Variants in FAM20C observed in about 807,000 individuals in gnomAD.
FAM20C encodes the protein FAM20C golgi associated secretory pathway kinase.
A neutral mutation model predicts 51.5 loss-of-function variants in FAM20C; 40 were observed. That is an observed-to-expected ratio of 0.78 (90% confidence interval 0.60 to 1.01). The LOEUF is 1.01. Among genes scored for constraint, FAM20C ranks in the 50% least tolerant of loss-of-function variants. The probability of loss-of-function intolerance (pLI) is 0.00; values close to 1 mark genes in which losing one functional copy is unlikely to be tolerated. For synonymous variants in FAM20C, 406 were observed against 380.6 expected (o/e 1.07, Z -0.78); for missense variants, 861 against 844.7 (o/e 1.02, Z -0.24).
intron 2 of FAM20C, among the ~76,000 whole-genome samples, chr7:202,198 G>C (rs913267057): frequency 6.6e-6 from 1 of 152,186 alleles, no homozygotes; most frequent in African/African-American, 2.4e-5. Context: ...AGAGAGGACG[G>C]GTGGCCACTG....
At position 260,341 on chromosome 7, in the gene FAM20C, A is replaced by C; in HGVS notation, c.*361A>C. 2 of 167,724 alleles carry C rather than the reference A, an allele frequency of 1.2e-5. No homozygotes were observed. The highest frequency in any genetic ancestry group is 1.3e-5 in the Non-Finnish European group (1 of 78,706). The allele number at this position is 167,724 out of a possible 1,614,324, so 10.4% of individuals were successfully genotyped here. On this transcript the variant is annotated 3_prime_UTR_variant, in exon 10 of 10. Coordinates refer to ENST00000313766, the MANE Select transcript of FAM20C (RefSeq NM_020223.4). ...AGATGCCAATCACCTACCAAACCAA[A>C]CACGAGGACCGCCCTCCCTGGTTCT...
intron 3 of FAM20C, chr7:228,911 T>TG: frequency 1.2e-5 from 5 of 421,850 alleles, no homozygotes; most frequent in South Asian, 8.5e-5. Context: ...AACTCAGCAC[T>TG]GGGAGCCCCT....
chr7:193,463 C>T lies in FAM20C; in HGVS notation c.264C>T (p.Leu88=), dbSNP rs1785682443. 1 of 1,480,416 alleles carries T rather than the reference C, an allele frequency of 6.8e-7. No individual in the cohort carries two copies. Among genetic ancestry groups the T allele is most frequent in the East Asian group, 3.0e-5 (1 of 33,374 alleles). The allele number at this position is 1,480,416 out of a possible 1,614,324, so 91.7% of individuals were successfully genotyped here. A position where few individuals can be genotyped will look rare whatever the true frequency, so the allele number is the denominator to read the frequency against. Residue 88 remains leucine (L), a synonymous_variant, in exon 1 of 10, where the codon CTC becomes CTT. Coordinates refer to ENST00000313766, the MANE Select transcript of FAM20C (RefSeq NM_020223.4). ...CGGGCTGGCCCAACAAGCACACGCT[C>T]CGCATCCTGCAGGACTTCAGCTCCG... The part of the protein sequence containing the change: ...GDAGWPNKHT[L]RILQDFSSDP...
At chr7:237,453 C>T (rs1187724455) in intron 3 of FAM20C, among the ~76,000 whole-genome samples, 8 of 152,154 alleles carry the variant, frequency 5.3e-5, no homozygotes, top group African/African-American at 1.4e-4. Context: ...ACGGTGATGA[C>T]GGTGCTGATG....
chr7:223,137 T>C (rs1787315549), intron 3 of FAM20C, among the ~76,000 whole-genome samples: 1 of 152,116 alleles, frequency 6.6e-6, no homozygotes, highest in Non-Finnish European at 1.5e-5. Flanking sequence ...TGTGTTCCTA[T>C]GAAGGGCAGA....
chr7:195,381 C>A, intron 1 of FAM20C, 173 bp from the exon 2 acceptor site: 1 of 502,620 alleles, frequency 2.0e-6, no homozygotes, highest in Non-Finnish European at 3.3e-6. Flanking sequence ...GCCGAGCGGC[C>A]ACAGAAGAAA....
At chr7:253,630 G>A (rs911899731) in intron 5 of FAM20C, among the ~76,000 whole-genome samples, 1 of 152,240 alleles carries the variant, frequency 6.6e-6, no homozygotes, top group African/African-American at 2.4e-5. Context: ...CCCAGCCCGT[G>A]ATGCCGGCGT....
intron 1 of FAM20C, 184 bp downstream of exon 1, chr7:193,988 G>A: frequency 2.1e-6 from 2 of 957,304 alleles, no homozygotes; most frequent in Non-Finnish European, 2.9e-6. Flanking sequence ...CCTCCTCCTT[G>A]GGAGGGGCTG....
intron 8 of FAM20C, among the ~76,000 whole-genome samples, chr7:258,055 T>G (rs144395519): frequency 0.1 from 2,164 of 21,496 alleles, 196 homozygotes; most frequent in Non-Finnish European, 0.13. Context: ...AGATAGGCAG[T>G]GTGGACCCAC....
At position 213,785 on chromosome 7, in the gene FAM20C, G is replaced by A. The variant is rs184548300; in HGVS notation, c.863+4809G>A. 2.6e-5 allele frequency among the ~76,000 whole-genome samples: 4 copies of A among 152,234 alleles called. No homozygotes were observed. In the East Asian group the frequency reaches 5.8e-4, roughly 22 times the overall value. ...CACCATTGTGTAACCCTGCGAGCTC[G>A]TTCCCGGGTTCCAGTTTCTCCACCT... On this transcript the variant is annotated intron_variant, in intron 3 of 9. Coordinates refer to ENST00000313766, the MANE Select transcript of FAM20C (RefSeq NM_020223.4).
intron 3 of FAM20C, among the ~76,000 whole-genome samples, chr7:214,083 T>C (rs1182544482): frequency 1.3e-5 from 2 of 152,194 alleles, no homozygotes; most frequent in African/African-American, 4.8e-5. Context: ...CCCAGCACTT[T>C]GGGAGGCCGA....
intron 5 of FAM20C, among the ~76,000 whole-genome samples, chr7:252,468 A>G (rs1045899464): frequency 6.6e-6 from 1 of 150,660 alleles, no homozygotes; most frequent in Non-Finnish European, 1.5e-5. Context: ...AGCCCACTGC[A>G]GACACCCCCT....
In FAM20C at chr7:255,940, G is replaced by A; in HGVS notation, c.1164G>A (p.Leu388=). Residue 388 remains leucine, a synonymous_variant, in exon 6 of 10, where the codon CTG becomes CTA. Transcript: ENST00000313766. The stretch of plus-strand genomic sequence containing the variant: ...AGCCAGACCAGATCGAGGGCTCGCT[G>A]GCGGCCTTCCTGCCCGACCTGTCCC... ...CGKPDQIEGS[L]AAFLPDLSLA... The A allele has an allele frequency of 6.5e-7, 1 of 1,536,300 alleles. No individual in the cohort carries two copies. Among genetic ancestry groups the A allele is most frequent in the Non-Finnish European group, 8.7e-7 (1 of 1,146,838 alleles).
intron 3 of FAM20C, among the ~76,000 whole-genome samples, chr7:233,966 T>G (rs1336675553): frequency 6.6e-6 from 1 of 152,128 alleles, no homozygotes; most frequent in African/African-American, 2.4e-5. Flanking sequence ...GAGAGAAGGA[T>G]GCACGGTGTT....
At chr7:251,004 A>G (rs143307577) in intron 5 of FAM20C, among the ~76,000 whole-genome samples, 1 of 152,220 alleles carries the variant, frequency 6.6e-6, no homozygotes, top group Non-Finnish European at 1.5e-5. Flanking sequence ...AGGGTCACGC[A>G]GGGAGGGGTC....
intron 3 of FAM20C, among the ~76,000 whole-genome samples, chr7:244,872 G>A (rs1452438411): frequency 1.3e-5 from 2 of 152,216 alleles, no homozygotes; most frequent in East Asian, 1.9e-4. Context: ...TAAAAAGGCC[G>A]TGGGTGGTAC....
chr7:224,061 A>G (rs1282405388), intron 3 of FAM20C, among the ~76,000 whole-genome samples: 1 of 137,214 alleles, frequency 7.3e-6, no homozygotes, highest in South Asian at 2.4e-4. Flanking sequence ...CATTGCGCAG[A>G]ATGGCACCGT....
chr7:199,822 A>G (rs1786047778), intron 2 of FAM20C, among the ~76,000 whole-genome samples: 2 of 152,174 alleles, frequency 1.3e-5, no homozygotes. Context: ...CGATAATTAA[A>G]TTTCTATCAT....
At position 193,264 on chromosome 7, in the gene FAM20C, C is replaced by T; in HGVS notation, c.65C>T (p.Ala22Val). The T allele has an allele frequency of 1.4e-6, 2 of 1,464,744 alleles. No homozygotes were observed. The highest frequency in any genetic ancestry group is 1.8e-6 in the Non-Finnish European group (2 of 1,104,924). The allele number at this position is 1,464,744 out of a possible 1,614,324, so 90.7% of individuals were successfully genotyped here. The change falls in exon 1 of 10, where the codon GCG becomes GTG. Residue 22 changes from alanine (A) to valine (V), a missense_variant. Physicochemically the swap from Ala to Val is moderately conservative, Grantham distance 64. Coordinates refer to ENST00000313766, the MANE Select transcript of FAM20C (RefSeq NM_020223.4). The part of the protein sequence containing the change: ...LILMVFLVAC[A>V]LHIALDLLPR... ...CTGATGGTGTTCCTGGTGGCCTGCG[C>T]GCTGCACATCGCCCTGGACCTGCTG... is the stretch of plus-strand genomic sequence containing the variant.
Sources: gnomAD v4.1 joint callset for allele counts (sites outside exome capture counted in the v4.1 genomes callset) on GRCh38, gnomAD v4.1.1 for gene constraint, MANE v1.5 for transcripts, NCBI Gene and HGNC (gene_info 2026-07-23, HGNC 2026-07-21) for gene names.